Variants in MAN2A1 observed in about 807,000 individuals in gnomAD.
MAN2A1 encodes the protein mannosidase alpha class 2A member 1.
Under a neutral mutation model 142.6 loss-of-function variants are expected in MAN2A1, and 76 were observed. The ratio of observed to expected loss-of-function variants is 0.53; its 90% CI spans 0.44 to 0.65. The LOEUF (loss-of-function observed/expected upper bound fraction) is 0.65, where lower values mean the gene tolerates loss of function less well. Ranked by LOEUF, MAN2A1 falls within the 30% of genes least tolerant of loss-of-function variation. The pLI, the probability that MAN2A1 is intolerant of heterozygous loss-of-function variation, is 0.00. For synonymous variants in MAN2A1, 559 were observed against 473.2 expected (o/e 1.18, Z -2.35); for missense variants, 1,311 against 1,365.1 (o/e 0.96, Z 0.62).
At chr5:109,712,689 T>C (rs1328684708) in intron 1 of MAN2A1, among the ~76,000 whole-genome samples, 1 of 152,186 alleles carries the variant, frequency 6.6e-6, no homozygotes, top group Admixed American at 6.5e-5. Flanking sequence ...GGGGCCCGTA[T>C]CTTATGCATG....
intron 4 of MAN2A1, among the ~76,000 whole-genome samples, chr5:109,735,591 A>T (rs969456802): frequency 6.6e-6 from 1 of 152,160 alleles, no homozygotes; most frequent in Admixed American, 6.6e-5. Context: ...CCGGTACCTC[A>T]GATGGAAATG....
At chr5:109,786,473 A>G (rs1010539120) in intron 10 of MAN2A1, among the ~76,000 whole-genome samples, 6 of 152,094 alleles carry the variant, frequency 3.9e-5, no homozygotes, top group Non-Finnish European at 7.4e-5. Context: ...TGGAAGAGCT[A>G]TCATTGGTTC....
chr5:109,776,676 G>A (rs897308890), intron 8 of MAN2A1, among the ~76,000 whole-genome samples: 17 of 152,212 alleles, frequency 1.1e-4, no homozygotes, highest in African/African-American at 4.1e-4. Context: ...AATTTTGCAA[G>A]TTTAAAAGTC....
chr5:109,858,157 A>G (rs1755670844), intron 20 of MAN2A1, among the ~76,000 whole-genome samples: 1 of 152,230 alleles, frequency 6.6e-6, no homozygotes, highest in South Asian at 2.1e-4. Context: ...ATTGATAACT[A>G]CCATGCTGGC....
At chr5:109,779,582 CAA>C (rs1491157594) in intron 8 of MAN2A1, among the ~76,000 whole-genome samples, 1,790 of 35,548 alleles carry the variant, frequency 0.05, 35 homozygotes, top group East Asian at 0.38. Flanking sequence ...CACACACACA[CAA>C]ACACACACAG....
At chr5:109,808,176 G>A (rs534924429) in intron 12 of MAN2A1, among the ~76,000 whole-genome samples, 33 of 152,148 alleles carry the variant, frequency 2.2e-4, no homozygotes, top group Admixed American at 7.2e-4. Context: ...ATTATTTCCC[G>A]TATATCTGTG....
intron 4 of MAN2A1, among the ~76,000 whole-genome samples, chr5:109,743,127 C>G (rs1382445151): frequency 6.6e-6 from 1 of 152,140 alleles, no homozygotes; most frequent in Non-Finnish European, 1.5e-5. Context: ...TGACCTTGAG[C>G]TCTTTCACTT....
intron 1 of MAN2A1, among the ~76,000 whole-genome samples, chr5:109,701,177 A>G (rs1482464702): frequency 6.6e-6 from 1 of 152,208 alleles, no homozygotes; most frequent in Non-Finnish European, 1.5e-5. Flanking sequence ...TGATATAAAG[A>G]CAAAGGCCTT....
Position 109,842,806 on chromosome 5 carries a change from G to GTTTTTTTT in MAN2A1, c.2700+355_2700+362dup, listed in dbSNP as rs768238978. ...GGGATTGATGGATTATACTTATTGG[G>GTTTTTTTT]TTTTTTTTTTTTTTTTTGAGAAAGA... On this transcript the variant is annotated intron_variant, in intron 17 of 21. Coordinates refer to ENST00000261483, the MANE Select transcript of MAN2A1 (RefSeq NM_002372.4). 2.3e-4 allele frequency among the ~76,000 whole-genome samples: 27 copies of GTTTTTTTT among 116,172 alleles called. 1 individual carries two copies. The highest frequency in any genetic ancestry group is 7.5e-4 in the African/African-American group (23 of 30,764). The allele number at this position is 116,172 out of a possible 152,430, so 76.2% of individuals were successfully genotyped here.
At chr5:109,855,429 C>T (rs924876872) in intron 20 of MAN2A1, 95 bp downstream of exon 20, 18 of 754,386 alleles carry the variant, frequency 2.4e-5, no homozygotes, top group Non-Finnish European at 3.5e-5. Flanking sequence ...GTATGCTTTA[C>T]TATGCTTTGA....
intron 3 of MAN2A1, among the ~76,000 whole-genome samples, chr5:109,724,376 G>C (rs962180765): frequency 9.9e-5 from 15 of 152,002 alleles, no homozygotes; most frequent in African/African-American, 3.4e-4. Flanking sequence ...TCAACATCAT[G>C]CAATATACCC....
At chr5:109,860,690 AT>A (rs1289526842) in intron 20 of MAN2A1, among the ~76,000 whole-genome samples, 1 of 152,190 alleles carries the variant, frequency 6.6e-6, no homozygotes, top group Non-Finnish European at 1.5e-5. Flanking sequence ...GTAGAGGACT[AT>A]TCACCTGCTT....
chr5:109,861,083 G>A (rs2112442723), intron 20 of MAN2A1, among the ~76,000 whole-genome samples: 1 of 152,304 alleles, frequency 6.6e-6, no homozygotes, highest in South Asian at 2.1e-4. Context: ...TCCTGGGTAT[G>A]AGCATGTCTC....
chr5:109,696,511 T>A (rs984658827), intron 1 of MAN2A1, among the ~76,000 whole-genome samples: 1 of 152,266 alleles, frequency 6.6e-6, no homozygotes, highest in African/African-American at 2.4e-5. Context: ...GCTGCCTCTA[T>A]CCAGGCTTTG....
intron 20 of MAN2A1, among the ~76,000 whole-genome samples, chr5:109,858,608 A>T (rs2112776954): frequency 6.6e-6 from 1 of 152,366 alleles, no homozygotes; most frequent in East Asian, 1.9e-4. Context: ...AAATAGACAT[A>T]GGTTCCAAGC....
intron 4 of MAN2A1, among the ~76,000 whole-genome samples, chr5:109,735,837 G>C (rs180884234): frequency 1.4e-5 from 2 of 146,678 alleles, no homozygotes; most frequent in African/African-American, 5.0e-5. Context: ...AACATTTAAA[G>C]ATAATTTGGG....
chr5:109,849,740 T>G (rs1223261056), intron 19 of MAN2A1, among the ~76,000 whole-genome samples: 1 of 152,058 alleles, frequency 6.6e-6, no homozygotes, highest in Non-Finnish European at 1.5e-5. Flanking sequence ...ACATCTAACT[T>G]TATTGCTTCC....
At chr5:109,746,685 CA>C (rs1306904257) in intron 4 of MAN2A1, among the ~76,000 whole-genome samples, 1 of 149,846 alleles carries the variant, frequency 6.7e-6, no homozygotes, top group African/African-American at 2.5e-5. Context: ...ACATTTACAT[CA>C]TTGTGCAGCT....
intron 12 of MAN2A1, among the ~76,000 whole-genome samples, chr5:109,810,367 A>C (rs1430845886): frequency 6.6e-6 from 1 of 152,180 alleles, no homozygotes; most frequent in Non-Finnish European, 1.5e-5. Context: ...AGACTGATTT[A>C]TTCAACCTGT....
Sources: allele counts gnomAD v4.1 joint callset (sites outside exome capture counted in the v4.1 genomes callset), GRCh38; gene constraint gnomAD v4.1.1; transcripts MANE v1.5; gene names NCBI Gene and HGNC (gene_info 2026-07-23, HGNC 2026-07-21).